Variants in TASP1 observed in about 807,000 individuals in gnomAD.
TASP1 encodes taspase 1, also known as threonine aspartase 1.
In TASP1, 16 loss-of-function variants were observed where a neutral mutation model predicts 56.6. That is an observed-to-expected ratio of 0.28 (90% CI 0.19 to 0.43). The LOEUF (loss-of-function observed/expected upper bound fraction) is 0.43, where lower values mean the gene tolerates loss of function less well. Among genes scored for constraint, TASP1 ranks in the 20% least tolerant of loss-of-function variants. The pLI is 1.00. For synonymous variants in TASP1, 179 were observed against 184.2 expected (o/e 0.97, Z 0.23); for missense variants, 393 against 511.6 (o/e 0.77, Z 2.24).
At chr20:13,530,641 G>A (rs2146873954) in intron 9 of TASP1, among the ~76,000 whole-genome samples, 1 of 152,280 alleles carries the variant, frequency 6.6e-6, no homozygotes, top group Non-Finnish European at 1.5e-5. Context: ...TATAAAGCCA[G>A]GGGAGGTCAT....
At chr20:13,613,822 T>C (rs2048432510) in intron 4 of TASP1, among the ~76,000 whole-genome samples, 1 of 152,096 alleles carries the variant, frequency 6.6e-6, no homozygotes, top group Admixed American at 6.5e-5. Context: ...CAAAACACTT[T>C]TATTAGGCCC....
At chr20:13,293,755 C>T in the TASP1 span, among the ~76,000 whole-genome samples, 7 of 152,214 alleles carry the variant, frequency 4.6e-5, no homozygotes, top group East Asian at 1.2e-3. Context: ...GGGTGGATCA[C>T]CTGAGGCCAG....
chr20:13,579,397 C>T (rs1221215502), intron 6 of TASP1, among the ~76,000 whole-genome samples: 1 of 150,308 alleles, frequency 6.7e-6, no homozygotes, highest in African/African-American at 2.4e-5. Flanking sequence ...GAGACGGAGT[C>T]TCGCTCTGTT....
intron 10 of TASP1, among the ~76,000 whole-genome samples, chr20:13,526,870 A>T (rs943285677): frequency 1.3e-5 from 2 of 152,174 alleles, no homozygotes; most frequent in Non-Finnish European, 2.9e-5. Flanking sequence ...AAGGTGACAC[A>T]GGGTGGGGAT....
At chr20:13,130,944 G>A in the TASP1 span, among the ~76,000 whole-genome samples, 2 of 152,178 alleles carry the variant, frequency 1.3e-5, no homozygotes, top group South Asian at 2.1e-4. Flanking sequence ...AAGATCATGA[G>A]GATGTTTATC....
At chr20:13,136,702 T>A in the TASP1 span, among the ~76,000 whole-genome samples, 1 of 147,392 alleles carries the variant, frequency 6.8e-6, no homozygotes, top group African/African-American at 2.5e-5. Context: ...ATAAAAGTTA[T>A]ATATATTTAT....
At chr20:13,528,700 A>G (rs760407933) in intron 9 of TASP1, among the ~76,000 whole-genome samples, 189 bp from the exon 10 acceptor site, 1 of 152,204 alleles carries the variant, frequency 6.6e-6, no homozygotes, top group Non-Finnish European at 1.5e-5. Flanking sequence ...ATGTTTTCAG[A>G]TATTCCATTA....
chr20:13,154,152 G>A, the TASP1 span: 1 of 1,613,740 alleles, frequency 6.2e-7, no homozygotes, highest in Non-Finnish European at 8.5e-7. Context: ...AGTATCCAAG[G>A]CATCTCATAA....
At chr20:13,590,722 T>G (rs541540732) in intron 4 of TASP1, among the ~76,000 whole-genome samples, 1 of 151,676 alleles carries the variant, frequency 6.6e-6, no homozygotes, top group South Asian at 2.1e-4. Context: ...AAAAATTAGC[T>G]GGGCATGGTG....
chr20:13,355,470 T>C, the TASP1 span, among the ~76,000 whole-genome samples: 4 of 152,302 alleles, frequency 2.6e-5, no homozygotes, highest in East Asian at 7.7e-4. Context: ...CTCCACCCTC[T>C]CCTTTGGGAA....
At chr20:13,570,167 GT>G (rs2046663405) in intron 6 of TASP1, among the ~76,000 whole-genome samples, 1 of 152,058 alleles carries the variant, frequency 6.6e-6, no homozygotes, top group Non-Finnish European at 1.5e-5. Flanking sequence ...TAAATAGCAA[GT>G]TTTAATATAA....
the TASP1 span, among the ~76,000 whole-genome samples, chr20:13,264,905 T>C: frequency 6.6e-6 from 1 of 152,148 alleles, no homozygotes; most frequent in Non-Finnish European, 1.5e-5. Context: ...AGGGATGAGA[T>C]CCCAGCACCA....
intron 11 of TASP1, 124 bp downstream of exon 11, chr20:13,483,103 T>C (rs1490519280): frequency 1.6e-6 from 1 of 608,154 alleles, no homozygotes; most frequent in Non-Finnish European, 2.7e-6. Flanking sequence ...TAACTGTGGT[T>C]CTTTTCCTCT....
the TASP1 span, among the ~76,000 whole-genome samples, chr20:13,243,549 C>G: frequency 1.5e-3 from 233 of 152,224 alleles, 1 homozygote; most frequent in African/African-American, 5.3e-3. Context: ...TTGTCTTATT[C>G]CTGCTTGACC....
chr20:13,525,276 A>G lies in TASP1; in HGVS notation c.874+3157T>C, dbSNP rs545274863. Among the ~76,000 whole-genome samples the G allele has an allele frequency of 2.6e-5, 4 of 152,282 alleles. No individual in the cohort carries two copies. The South Asian group carries it at 8.3e-4, about 32-fold the overall frequency. On this transcript the variant is annotated intron_variant, in intron 10 of 13. Coordinates refer to ENST00000337743, the MANE Select transcript of TASP1 (RefSeq NM_017714.3). ...TAATGGTAGATATTATTCTGGTTTTACAAATAACCCCTTGCCCAGGCTCCA... is the reference window on the plus strand; with the variant it reads ...TAATGGTAGATATTATTCTGGTTTTGCAAATAACCCCTTGCCCAGGCTCCA...
intron 4 of TASP1, among the ~76,000 whole-genome samples, chr20:13,595,689 A>G (rs2047702073): frequency 6.6e-6 from 1 of 152,224 alleles, no homozygotes; most frequent in Non-Finnish European, 1.5e-5. Flanking sequence ...TCCTAAATAT[A>G]TATGCACCAA....
intron 4 of TASP1, 82 bp from the exon 5 acceptor site, chr20:13,587,452 G>A: frequency 8.3e-7 from 1 of 1,203,644 alleles, no homozygotes; most frequent in South Asian, 1.6e-5. Context: ...TTTTCTAAAA[G>A]CTAGAAGGTG....
the TASP1 span, among the ~76,000 whole-genome samples, chr20:13,148,258 GGTTTT>G: frequency 6.6e-6 from 1 of 152,162 alleles, no homozygotes. Flanking sequence ...TGACCCAGCT[GGTTTT>G]GTTTTAACAG....
intron 4 of TASP1, among the ~76,000 whole-genome samples, chr20:13,617,753 G>A (rs1481313605): frequency 2.0e-5 from 3 of 152,174 alleles, no homozygotes; most frequent in African/African-American, 7.2e-5. Flanking sequence ...GACTGAAGTA[G>A]GGTAGGGAGC....
Sources: gnomAD v4.1 joint callset for allele counts (sites outside exome capture counted in the v4.1 genomes callset) on GRCh38, gnomAD v4.1.1 for gene constraint, MANE v1.5 for transcripts, NCBI Gene and HGNC (gene_info 2026-07-23, HGNC 2026-07-21) for gene names.